MAN1C1: variants seen among roughly 807,000 people sequenced by gnomAD.
The protein encoded by MAN1C1 is mannosyl-oligosaccharide 1,2-alpha-mannosidase IC.
In MAN1C1, 49 loss-of-function variants were observed where a neutral mutation model predicts 71.5. The observed-to-expected ratio is 0.69, with a 90% CI of 0.54 to 0.87. The LOEUF (loss-of-function observed/expected upper bound fraction) is 0.87. Among genes scored for constraint, MAN1C1 ranks in the 40% least tolerant of loss-of-function variants. MAN1C1 has a pLI of 0.00. For missense variants in MAN1C1, 743 were observed against 835.0 expected, an observed-to-expected ratio of 0.89 and a Z score of 1.36; for synonymous variants, 352 against 343.7, an observed-to-expected ratio of 1.02 and a Z score of -0.27.
intron 1 of MAN1C1, among the ~76,000 whole-genome samples, chr1:25,657,060 C>T (rs2045778824): frequency 1.3e-5 from 2 of 152,306 alleles, no homozygotes; most frequent in South Asian, 4.1e-4. Context: ...CTCCTGACCT[C>T]ATGATCCACC....
Position 25,782,006 on chromosome 1 carries a change from T to C in MAN1C1, c.1651-579T>C, listed in dbSNP as rs180862698. Among the ~76,000 whole-genome samples the C allele has an allele frequency of 3.0e-4, 46 of 152,242 alleles. No homozygotes were observed. The East Asian group carries it at 8.3e-3, about 27-fold the overall frequency. On this transcript the variant is annotated intron_variant, in intron 10 of 11. Transcript: ENST00000374332. The surrounding 1 kb of genome is among the most constrained non-coding windows in gnomAD (Gnocchi z 4.4). ...GCTGAGGCAAGAGGATTGCTCGAAC[T>C]GCAGAGGTTGAAGCTGCAGAGTGAG...
chr1:25,737,884 G>A (rs1334519793), intron 2 of MAN1C1, among the ~76,000 whole-genome samples: 7 of 152,170 alleles, frequency 4.6e-5, no homozygotes, highest in Non-Finnish European at 8.8e-5. Flanking sequence ...GGAGTCTGAG[G>A]AGCTGCTGGT....
chr1:25,737,898 C>A (rs564025427), intron 2 of MAN1C1, among the ~76,000 whole-genome samples: 2 of 152,082 alleles, frequency 1.3e-5, no homozygotes, highest in Non-Finnish European at 2.9e-5. Flanking sequence ...TGCTGGTGGT[C>A]TGATGTGGGT....
chr1:25,646,934 G>C (rs1448727369), intron 1 of MAN1C1, among the ~76,000 whole-genome samples: 2 of 152,174 alleles, frequency 1.3e-5, no homozygotes, highest in Non-Finnish European at 2.9e-5. Flanking sequence ...CATATACCTG[G>C]GAGTGGGATT....
chr1:25,682,234 G>T (rs562232591), intron 1 of MAN1C1, among the ~76,000 whole-genome samples: 19 of 152,302 alleles, frequency 1.2e-4, no homozygotes, highest in African/African-American at 4.6e-4. Flanking sequence ...GATGCAGATA[G>T]CAGTCCCATC....
intron 2 of MAN1C1, among the ~76,000 whole-genome samples, chr1:25,745,032 A>G (rs1042892015): frequency 6.6e-6 from 1 of 152,232 alleles, no homozygotes; most frequent in African/African-American, 2.4e-5. Context: ...CACCTCTTTC[A>G]GGAAGCCTTT....
intron 1 of MAN1C1, among the ~76,000 whole-genome samples, chr1:25,639,179 T>C (rs2045505008): frequency 6.6e-6 from 1 of 152,202 alleles, no homozygotes; most frequent in African/African-American, 2.4e-5. Context: ...TTTTTACTTT[T>C]AGAATTTCCA....
At chr1:25,630,635 T>A (rs112281570) in intron 1 of MAN1C1, among the ~76,000 whole-genome samples, 8,871 of 152,228 alleles carry the variant, frequency 0.058, 847 homozygotes, top group African/African-American at 0.2. Flanking sequence ...TTAAGTATAT[T>A]CCTAAGTTTT....
At chr1:25,724,190 G>A (rs1293660114) in intron 2 of MAN1C1, among the ~76,000 whole-genome samples, 1 of 152,008 alleles carries the variant, frequency 6.6e-6, no homozygotes, top group Non-Finnish European at 1.5e-5. Context: ...CACCACGCCC[G>A]GCTAATTTTT....
chr1:25,687,114 C>A (rs148550889), intron 2 of MAN1C1, among the ~76,000 whole-genome samples: 2 of 152,114 alleles, frequency 1.3e-5, no homozygotes, highest in Non-Finnish European at 2.9e-5. Flanking sequence ...CATTTCAAAA[C>A]GACAACAGCA....
chr1:25,763,850 C>A, intron 6 of MAN1C1, 24 bp from the exon 7 acceptor site: 2 of 1,603,776 alleles, frequency 1.2e-6, no homozygotes, highest in Non-Finnish European at 1.7e-6. Flanking sequence ...CATGAAGGCT[C>A]ACCTGGTGTC....
Position 25,764,013 on chromosome 1 carries a change from C to G in MAN1C1, c.1141+46C>G. 1 of 1,523,854 alleles carries G rather than the reference C, an allele frequency of 6.6e-7. No homozygotes were observed. Among genetic ancestry groups the G allele is most frequent in the South Asian group, 1.1e-5 (1 of 89,176 alleles). 94.4% of individuals were successfully genotyped at this position (1,523,854 alleles called of 1,614,324 possible). ...GCCCCTTATTCAGCGGGTTCCTGCC[C>G]AGGCTTCCTAGGAAGACCCTGCCAG... is the stretch of plus-strand genomic sequence containing the variant. On this transcript the variant is annotated intron_variant, in intron 7 of 11. Coordinates refer to ENST00000374332, the MANE Select transcript of MAN1C1 (RefSeq NM_020379.4). This position sits in a 1 kb window ranked among gnomAD's most constrained non-coding sequence, Gnocchi z 4.4.
In MAN1C1 at chr1:25,617,884, C is replaced by G; in HGVS notation, c.87C>G (p.Leu29=). The change falls in exon 1 of 12, where the codon CTC becomes CTG. Residue 29 remains leucine (L), a synonymous_variant. Transcript: ENST00000374332. The surrounding 1 kb of genome is among the most constrained non-coding windows in gnomAD (Gnocchi z 5.1). Reference sequence around the variant, plus strand: ...AGAAGTTCCTCTTCCTCCTCTTCCTCTCGGGCCTGGTCACCCTGTGCTTCG... The same window carrying G: ...AGAAGTTCCTCTTCCTCCTCTTCCTGTCGGGCCTGGTCACCCTGTGCTTCG... ...LPQKFLFLLF[L]SGLVTLCFGA... 6.2e-7 allele frequency: 1 copy of G among 1,609,134 alleles called. No homozygotes were observed. The highest frequency in any genetic ancestry group is 8.5e-7 in the Non-Finnish European group (1 of 1,178,482).
intron 7 of MAN1C1, among the ~76,000 whole-genome samples, chr1:25,767,810 G>C (rs1175003061): frequency 1.5e-5 from 1 of 68,752 alleles, no homozygotes; most frequent in Non-Finnish European, 2.7e-5. Flanking sequence ...CTCCCCTCAC[G>C]TACATCCACA....
chr1:25,679,293 A>G (rs2046112484), intron 1 of MAN1C1, among the ~76,000 whole-genome samples: 1 of 152,134 alleles, frequency 6.6e-6, no homozygotes, highest in Admixed American at 6.6e-5. Context: ...TGCTAATATA[A>G]TTATAAAAGG....
In MAN1C1 at chr1:25,723,774, G is replaced by T. The variant is rs530108938; in HGVS notation, c.638-22894G>T. 2.0e-5 allele frequency among the ~76,000 whole-genome samples: 3 copies of T among 152,292 alleles called. No individual in the cohort carries two copies. The South Asian group carries it at 6.2e-4, about 32-fold the overall frequency. On this transcript the variant is annotated intron_variant, in intron 2 of 11. Transcript: ENST00000374332. Reference sequence around the variant, plus strand: ...AGGAGACTTTGTGAAGATTAGATGGGTTTTTGCATAAAGATTTACCATTCA... The same window carrying T: ...AGGAGACTTTGTGAAGATTAGATGGTTTTTTGCATAAAGATTTACCATTCA...
chr1:25,662,382 C>T (rs139336965), intron 1 of MAN1C1, among the ~76,000 whole-genome samples: 80 of 152,286 alleles, frequency 5.3e-4, no homozygotes, highest in African/African-American at 1.6e-3. Flanking sequence ...TGTCAAGGTG[C>T]GGCTAGACAA....
intron 2 of MAN1C1, among the ~76,000 whole-genome samples, chr1:25,719,050 G>GATT (rs1283680170): frequency 7.3e-6 from 1 of 137,580 alleles, no homozygotes; most frequent in African/African-American, 2.9e-5. Context: ...TCTTTCCAAT[G>GATT]CTTATTATTA....
At chr1:25,620,699 A>G (rs2045193790) in intron 1 of MAN1C1, among the ~76,000 whole-genome samples, 1 of 152,234 alleles carries the variant, frequency 6.6e-6, no homozygotes, top group Non-Finnish European at 1.5e-5. Flanking sequence ...CTGGCATCAG[A>G]TAAAAAAAGG....
Sources: allele counts gnomAD v4.1 joint callset (sites outside exome capture counted in the v4.1 genomes callset), GRCh38; gene constraint gnomAD v4.1.1; non-coding constraint Gnocchi (gnomAD v3.1); transcripts MANE v1.5; gene names NCBI Gene and HGNC (gene_info 2026-07-23, HGNC 2026-07-21).